The following AKT3 variants were observed in gnomAD, a reference collection of about 807,000 sequenced individuals.
The protein encoded by AKT3 is RAC-gamma serine/threonine-protein kinase.
AKT3 carries 15 observed loss-of-function variants against 65.3 expected under a neutral mutation model. The observed-to-expected ratio is 0.23, with a 90% confidence interval of 0.15 to 0.35. AKT3 has a LOEUF of 0.35. AKT3 is among the 10% of genes least tolerant of loss of function. The pLI is 1.00. For missense variants in AKT3, 243 were observed against 576.5 expected, an observed-to-expected ratio of 0.42 and a Z score of 5.92; for synonymous variants, 206 against 183.8, an observed-to-expected ratio of 1.12 and a Z score of -0.98.
At chr1:243,529,035 A>G (rs1671341223) in intron 12 of AKT3, among the ~76,000 whole-genome samples, 1 of 151,832 alleles carries the variant, frequency 6.6e-6, no homozygotes, top group African/African-American at 2.4e-5. Flanking sequence ...GTTTTAATTT[A>G]CATTTCTCTA....
chr1:243,643,349 T>C (rs540508217), intron 5 of AKT3, among the ~76,000 whole-genome samples: 2 of 152,352 alleles, frequency 1.3e-5, no homozygotes, highest in South Asian at 2.1e-4. Flanking sequence ...GAGAAGCTTA[T>C]GCTAGTCTGT....
rs554297602 is a variant in AKT3 at position 243,669,474 on chromosome 1, A to G, written c.173-4591T>C. ...GTTCCCATTATGGTGATATAAGGTA[A>G]TTAAGATAATGGACTCTGCAATCAG... On this transcript the variant is annotated intron_variant, in intron 3 of 13. Coordinates refer to ENST00000673466, the MANE Select transcript of AKT3 (RefSeq NM_005465.7). Among the ~76,000 whole-genome samples the G allele has an allele frequency of 5.3e-5, 8 of 152,308 alleles. No individual in the cohort carries two copies. The South Asian group carries it at 1.7e-3, about 32-fold the overall frequency.
Position 243,744,350 on chromosome 1 carries a change from G to A in AKT3, c.47-48634C>T, listed in dbSNP as rs149086829. ...GTAATATTGTTTTTTAAATATAGGT[G>A]TTACATGGTGTGCTTACTTCATGAA... On this transcript the variant is annotated intron_variant, in intron 2 of 13. Transcript: ENST00000673466. Among the ~76,000 whole-genome samples the A allele has an allele frequency of 1.8e-4, 28 of 152,270 alleles. No individual in the cohort carries two copies. The East Asian group carries it at 5.4e-3, about 29-fold the overall frequency.
chr1:243,573,229 C>T (rs1399466119), intron 8 of AKT3, among the ~76,000 whole-genome samples, 181 bp from the exon 9 acceptor site: 4 of 152,088 alleles, frequency 2.6e-5, no homozygotes, highest in Admixed American at 1.3e-4. Context: ...GGGGAAACTG[C>T]GAGCTGTTAA....
At chr1:243,841,594 C>G (rs1014081588) in intron 2 of AKT3, among the ~76,000 whole-genome samples, 6 of 152,136 alleles carry the variant, frequency 3.9e-5, no homozygotes, top group African/African-American at 1.4e-4. Flanking sequence ...CATCGGAAAA[C>G]AGCTGGGCAG....
intron 2 of AKT3, among the ~76,000 whole-genome samples, chr1:243,718,619 C>T (rs541306314): frequency 3.3e-4 from 49 of 147,864 alleles, no homozygotes; most frequent in African/African-American, 9.7e-4. Context: ...CTCACCACCA[C>T]GCCTGGATAA....
At chr1:243,603,821 T>C (rs1046048544) in intron 8 of AKT3, among the ~76,000 whole-genome samples, 11 of 152,154 alleles carry the variant, frequency 7.2e-5, no homozygotes, top group Admixed American at 3.9e-4. Flanking sequence ...TATTTATTCA[T>C]TAAATCCTGG....
intron 2 of AKT3, chr1:243,735,256 T>C (rs1687776786): frequency 6.6e-6 from 1 of 152,260 alleles, no homozygotes; most frequent in African/African-American, 2.4e-5. Flanking sequence ...TACACTTTTG[T>C]ACAAAACTGG....
intron 2 of AKT3, among the ~76,000 whole-genome samples, chr1:243,838,866 G>A (rs114227017): frequency 0.011 from 1,692 of 152,214 alleles, 44 homozygotes; most frequent in African/African-American, 0.038. Flanking sequence ...GTTACACATA[G>A]AGAATACAAC....
intron 3 of AKT3, among the ~76,000 whole-genome samples, chr1:243,672,849 A>C (rs533128728): frequency 6.6e-6 from 1 of 152,274 alleles, no homozygotes; most frequent in East Asian, 1.9e-4. Flanking sequence ...CCTCTAATTA[A>C]ACAAACATAC....
chr1:243,839,487 T>C (rs1343080677), intron 2 of AKT3, among the ~76,000 whole-genome samples: 1 of 152,208 alleles, frequency 6.6e-6, no homozygotes, highest in African/African-American at 2.4e-5. Flanking sequence ...GTTTCTTTTA[T>C]TGCCATTTCT....
intron 8 of AKT3, among the ~76,000 whole-genome samples, chr1:243,580,172 C>A (rs6688135): frequency 0.78 from 119,205 of 152,070 alleles, 47,565 homozygotes; most frequent in Non-Finnish European, 0.86. Context: ...GGAATCATGA[C>A]GTACACTCCA....
intron 5 of AKT3, among the ~76,000 whole-genome samples, chr1:243,640,801 T>C (rs1189277547): frequency 1.3e-5 from 2 of 152,212 alleles, no homozygotes; most frequent in Non-Finnish European, 2.9e-5. Flanking sequence ...AATCATGAGA[T>C]ATTTACATGG....
intron 2 of AKT3, among the ~76,000 whole-genome samples, chr1:243,822,852 C>A (rs182777526): frequency 2.1e-3 from 319 of 152,206 alleles, no homozygotes; most frequent in Non-Finnish European, 3.7e-3. Flanking sequence ...ACCAGAGGTA[C>A]AAAGAGGAGC....
At chr1:243,771,254 C>A (rs1412119303) in intron 2 of AKT3, among the ~76,000 whole-genome samples, 1 of 152,120 alleles carries the variant, frequency 6.6e-6, no homozygotes, top group Non-Finnish European at 1.5e-5. Flanking sequence ...CTACTACACA[C>A]CTCCATTACT....
In AKT3 at chr1:243,728,295, A is replaced by G. The variant is rs147726878; in HGVS notation, c.47-32579T>C. Among the ~76,000 whole-genome samples, 35 of 152,234 alleles carry G rather than the reference A, an allele frequency of 2.3e-4. 1 individual carries two copies. Among genetic ancestry groups the G allele is most frequent in the Admixed American group, 1.6e-3 (25 of 15,286 alleles). On this transcript the variant is annotated intron_variant, in intron 2 of 13. Transcript: ENST00000673466. ...CCCAGTATTCACTCAACCTCAACCA[A>G]ACTTTGATTCTCAGTACATACTATC...
chr1:243,614,764 T>G (rs1471761892), intron 7 of AKT3, among the ~76,000 whole-genome samples: 1 of 152,178 alleles, frequency 6.6e-6, no homozygotes, highest in Non-Finnish European at 1.5e-5. Context: ...TTAAGAAATT[T>G]TTAAAAATCA....
chr1:243,655,578 G>C (rs978067757), intron 4 of AKT3, among the ~76,000 whole-genome samples: 2 of 152,122 alleles, frequency 1.3e-5, no homozygotes, highest in Non-Finnish European at 2.9e-5. Context: ...TCTTCTGTTA[G>C]AGTGAGTTTA....
intron 2 of AKT3, among the ~76,000 whole-genome samples, chr1:243,785,456 CGT>C (rs1033753867): frequency 3.5e-4 from 50 of 141,634 alleles, no homozygotes; most frequent in African/African-American, 1.3e-3. Context: ...AGAGAATCAA[CGT>C]TTTTTTTTTA....
Sources: allele counts gnomAD v4.1 joint callset (sites outside exome capture counted in the v4.1 genomes callset), GRCh38; gene constraint gnomAD v4.1.1; transcripts MANE v1.5; gene names NCBI Gene and HGNC (gene_info 2026-07-23, HGNC 2026-07-21).